FRMD4A: variants seen among roughly 807,000 people sequenced by gnomAD.
FRMD4A encodes FERM domain containing 4A, also known as FERM domain-containing protein 4A.
Under a neutral mutation model 129.1 loss-of-function variants are expected in FRMD4A, and 29 were observed. The observed-to-expected ratio is 0.22, with a 90% CI of 0.17 to 0.31. The LOEUF is 0.31. FRMD4A is among the 10% of genes least tolerant of loss of function. The probability of loss-of-function intolerance (pLI) is 1.00; values close to 1 mark genes in which losing one functional copy is unlikely to be tolerated. For missense variants in FRMD4A, 1,272 were observed against 1,375.8 expected, an observed-to-expected ratio of 0.92 and a Z score of 1.19; for synonymous variants, 634 against 571.6, an observed-to-expected ratio of 1.11 and a Z score of -1.56.
chr10:13,747,780 G>A lies in FRMD4A; in HGVS notation c.504C>T (p.Ala168=). 2 of 1,607,004 alleles carry A rather than the reference G, an allele frequency of 1.2e-6. No homozygotes were observed. Among genetic ancestry groups the A allele is most frequent in the South Asian group, 1.1e-5 (1 of 90,908 alleles). Reference sequence around the variant, plus strand: ...GCTCCTTCAGGGCTTGGGTGGGAAGGGCTGGCAGCTTCTTCAAGTCACTCC... The same window carrying A: ...GCTCCTTCAGGGCTTGGGTGGGAAGAGCTGGCAGCTTCTTCAAGTCACTCC... ...VVRSDLKKLP[A]LPTQALKEHP... Residue 168 remains alanine, a synonymous_variant, in exon 9 of 25, where the codon GCC becomes GCT. Transcript: ENST00000357447.
chr10:13,953,523 C>G (rs1171094632), intron 2 of FRMD4A, among the ~76,000 whole-genome samples: 1 of 152,152 alleles, frequency 6.6e-6, no homozygotes, highest in African/African-American at 2.4e-5. Flanking sequence ...CACTCCATCC[C>G]GCCTGGGACA....
At chr10:13,689,985 T>C (rs1337841236) in intron 15 of FRMD4A, among the ~76,000 whole-genome samples, 4 of 152,136 alleles carry the variant, frequency 2.6e-5, no homozygotes, top group African/African-American at 9.7e-5. Flanking sequence ...TATTAGAAAA[T>C]TCTGAAATGG....
At position 13,858,839 on chromosome 10, in the gene FRMD4A, C is replaced by G. The variant is rs748447450; in HGVS notation, c.111+8G>C. ...AGAAACTCAGAAAGTTGACCAAAAGCGATTTACCTGTACTAGGAGTTCCAG... is the reference window on the plus strand; with the variant it reads ...AGAAACTCAGAAAGTTGACCAAAAGGGATTTACCTGTACTAGGAGTTCCAG... On this transcript the variant is annotated splice_region_variant and intron_variant, in intron 3 of 24. Transcript: ENST00000357447. 1 of 1,559,494 alleles carries G rather than the reference C, an allele frequency of 6.4e-7. No homozygotes were observed. The highest frequency in any genetic ancestry group is 1.4e-5 in the African/African-American group (1 of 73,796).
chr10:14,315,696 TA>T (rs1340677435), intron 2 of FRMD4A, among the ~76,000 whole-genome samples: 4 of 152,228 alleles, frequency 2.6e-5, no homozygotes, highest in African/African-American at 7.2e-5. Flanking sequence ...TCAGAACCCC[TA>T]AATTCCATGA....
chr10:14,204,965 A>G (rs1410716228), intron 2 of FRMD4A, among the ~76,000 whole-genome samples: 2 of 151,988 alleles, frequency 1.3e-5, no homozygotes, highest in Non-Finnish European at 2.9e-5. Flanking sequence ...CACAAGTTGC[A>G]TTTCAAAGTC....
intron 2 of FRMD4A, among the ~76,000 whole-genome samples, chr10:14,146,695 C>T (rs1322375955): frequency 6.6e-6 from 1 of 152,186 alleles, no homozygotes; most frequent in East Asian, 1.9e-4. Flanking sequence ...TCCATGGAAT[C>T]TAGTTCTCAG....
At chr10:14,259,109 T>C (rs1363015539) in intron 2 of FRMD4A, among the ~76,000 whole-genome samples, 1 of 152,192 alleles carries the variant, frequency 6.6e-6, no homozygotes, top group Non-Finnish European at 1.5e-5. Flanking sequence ...GCCAAAACTC[T>C]TCAAAAACTG....
chr10:13,837,333 C>G (rs185533337), intron 3 of FRMD4A, among the ~76,000 whole-genome samples: 2 of 152,146 alleles, frequency 1.3e-5, no homozygotes, highest in Non-Finnish European at 2.9e-5. Context: ...CCTACTGGGC[C>G]GAGCCCAGCA....
rs78565127 is a variant in FRMD4A, at chr10:14,136,192, G to A, written c.45+193866C>T. Reference sequence around the variant, plus strand: ...GGTAAGTGAGAGGAAAATAAATCTCGGGACCCCATAATCAATAAGCCAAAG... The same window carrying A: ...GGTAAGTGAGAGGAAAATAAATCTCAGGACCCCATAATCAATAAGCCAAAG... On this transcript the variant is annotated intron_variant, in intron 2 of 24. Transcript: ENST00000357447. Among the ~76,000 whole-genome samples, 1,309 of 152,194 alleles carry A rather than the reference G, an allele frequency of 8.6e-3. 15 individuals carry two copies. The highest frequency in any genetic ancestry group is 0.03 in the African/African-American group (1,235 of 41,498).
intron 6 of FRMD4A, among the ~76,000 whole-genome samples, chr10:13,766,031 T>A (rs190741666): frequency 8.2e-4 from 125 of 152,364 alleles, no homozygotes; most frequent in South Asian, 1.7e-3. Context: ...ATAACACTTT[T>A]AAGTGTGAAC....
chr10:14,145,768 A>G (rs1036373834), intron 2 of FRMD4A, among the ~76,000 whole-genome samples: 1 of 152,156 alleles, frequency 6.6e-6, no homozygotes, highest in East Asian at 1.9e-4. Context: ...CAGGATCTTA[A>G]TTTCTCACTA....
intron 3 of FRMD4A, among the ~76,000 whole-genome samples, chr10:13,853,853 A>AC (rs71388122): frequency 1.3e-5 from 2 of 150,078 alleles, no homozygotes; most frequent in African/African-American, 2.5e-5. Context: ...AAAAAAAAAA[A>AC]CCCAAAAAGT....
chr10:13,710,353 C>G (rs577899826), intron 12 of FRMD4A: 1 of 152,392 alleles, frequency 6.6e-6, no homozygotes, highest in Admixed American at 6.5e-5. Flanking sequence ...ACAAACCAAG[C>G]TTTGCTTTAA....
chr10:14,128,007 TCTTTCTTC>T (rs1330287928), intron 2 of FRMD4A, among the ~76,000 whole-genome samples: 1,715 of 95,612 alleles, frequency 0.018, 116 homozygotes, highest in African/African-American at 0.05. Flanking sequence ...TCTCTTTCTT[TCTTTCTTC>T]CTTCCTTCCT....
intron 2 of FRMD4A, among the ~76,000 whole-genome samples, chr10:14,244,809 C>T (rs1404481933): frequency 1.3e-5 from 2 of 152,218 alleles, no homozygotes; most frequent in Non-Finnish European, 2.9e-5. Flanking sequence ...AACCTGTGCT[C>T]TTTCCGCAGT....
intron 2 of FRMD4A, among the ~76,000 whole-genome samples, chr10:13,999,514 A>C (rs919315389): frequency 1.3e-5 from 2 of 152,184 alleles, no homozygotes; most frequent in African/African-American, 4.8e-5. Context: ...TTAATGTTCC[A>C]ATAGAGTGAT....
chr10:14,215,121 A>C (rs1252262346), intron 2 of FRMD4A, among the ~76,000 whole-genome samples: 1 of 152,236 alleles, frequency 6.6e-6, no homozygotes, highest in Non-Finnish European at 1.5e-5. Flanking sequence ...AGTTGGGAAA[A>C]GGTAGATACC....
chr10:13,858,780 C>T (rs1381998352), intron 3 of FRMD4A, 67 bp downstream of exon 3: 2 of 889,190 alleles, frequency 2.2e-6, no homozygotes, highest in Admixed American at 1.7e-5. Flanking sequence ...TCATCCCCAG[C>T]TGGATCAAGG....
chr10:13,657,162 A>AC lies in FRMD4A; in HGVS notation c.2426dup (p.Ala810CysfsTer190). Reference sequence around the variant, plus strand: ...CCCCCGCGCCCCCCGCGCCCCCCGCACCCCCGCGCGCCGCCAGGTTGGGCA... The same window carrying AC: ...CCCCCGCGCCCCCCGCGCCCCCCGCACCCCCCGCGCGCCGCCAGGTTGGGCA... On this transcript the variant is annotated frameshift_variant, in exon 22 of 25. Coordinates refer to ENST00000357447, the MANE Select transcript of FRMD4A (RefSeq NM_018027.5). LOFTEE classifies it high-confidence loss of function. 1.0e-6 allele frequency: 1 copy of AC among 987,382 alleles called. No individual in the cohort carries two copies. Among genetic ancestry groups the AC allele is most frequent in the Non-Finnish European group, 1.3e-6 (1 of 743,770 alleles). The allele number at this position is 987,382 out of a possible 1,614,324, so 61.2% of individuals were successfully genotyped here. A position where few individuals can be genotyped will look rare whatever the true frequency, so the allele number is the denominator to read the frequency against.
Sources: gnomAD v4.1 joint callset for allele counts (sites outside exome capture counted in the v4.1 genomes callset) on GRCh38, gnomAD v4.1.1 for gene constraint, MANE v1.5 for transcripts, NCBI Gene and HGNC (gene_info 2026-07-23, HGNC 2026-07-21) for gene names.